CAST: variants seen among roughly 807,000 people sequenced by gnomAD.
CAST encodes the protein MIR583 host.
A neutral mutation model predicts 119.6 loss-of-function variants in CAST; 76 were observed. The ratio of observed to expected loss-of-function variants is 0.64; its 90% CI spans 0.53 to 0.77. The LOEUF (loss-of-function observed/expected upper bound fraction) is 0.77, where lower values mean the gene tolerates loss of function less well. Ranked by LOEUF, CAST falls within the 30% of genes least tolerant of loss-of-function variation. The pLI is 0.00. For synonymous variants in CAST, 319 were observed against 331.6 expected, an observed-to-expected ratio of 0.96 and a Z score of 0.41; for missense variants, 953 against 946.5, an observed-to-expected ratio of 1.01 and a Z score of -0.09.
chr5:96,006,222 CAATGAA>C, the CAST span, among the ~76,000 whole-genome samples: 10 of 152,120 alleles, frequency 6.6e-5, no homozygotes, highest in Non-Finnish European at 1.0e-4. Flanking sequence ...ATGGGGTGGT[CAATGAA>C]AATATCTGGC....
the CAST span, among the ~76,000 whole-genome samples, chr5:96,349,531 C>T: frequency 0.38 from 57,921 of 151,910 alleles, 11,378 homozygotes; most frequent in Admixed American, 0.45. Context: ...CTATTAAAAA[C>T]TCTTTGGCGT....
At chr5:96,036,415 A>T in the CAST span, among the ~76,000 whole-genome samples, 2 of 152,102 alleles carry the variant, frequency 1.3e-5, no homozygotes, top group African/African-American at 2.4e-5. Flanking sequence ...TCTATATTAT[A>T]CATATCCCTG....
chr5:96,213,478 A>G, the CAST span: 1 of 152,158 alleles, frequency 6.6e-6, no homozygotes, highest in Admixed American at 6.6e-5. Context: ...GATACTAAAG[A>G]GTATCTGATA....
At chr5:96,200,387 A>G in the CAST span, among the ~76,000 whole-genome samples, 9 of 152,270 alleles carry the variant, frequency 5.9e-5, no homozygotes, top group Non-Finnish European at 1.0e-4. Flanking sequence ...AAAAAGGGCT[A>G]GTCAGTTTTC....
chr5:96,331,113 TAGA>T, the CAST span, among the ~76,000 whole-genome samples: 1 of 152,342 alleles, frequency 6.6e-6, no homozygotes, highest in South Asian at 2.1e-4. Context: ...TGTTCAGTTT[TAGA>T]AGGTTTATGT....
chr5:96,756,840 C>T (rs759419993), intron 22 of CAST, among the ~76,000 whole-genome samples: 2 of 152,130 alleles, frequency 1.3e-5, no homozygotes, highest in African/African-American at 4.8e-5. Flanking sequence ...TTCATTTTGT[C>T]GTGTTACTCA....
At chr5:96,653,954 T>C (rs1041860898) in intron 1 of CAST, among the ~76,000 whole-genome samples, 19 of 151,968 alleles carry the variant, frequency 1.3e-4, no homozygotes, top group Non-Finnish European at 2.5e-4. Flanking sequence ...TTTTTTCCTT[T>C]TTCTTCTTCT....
chr5:96,767,702 G>A (rs1770496084), intron 28 of CAST, among the ~76,000 whole-genome samples: 1 of 152,044 alleles, frequency 6.6e-6, no homozygotes, highest in Admixed American at 6.6e-5. Flanking sequence ...GCTAAGCAAC[G>A]TGTATTAAAG....
the CAST span, among the ~76,000 whole-genome samples, chr5:96,296,344 C>G: frequency 2.0e-5 from 3 of 152,110 alleles, no homozygotes; most frequent in African/African-American, 4.8e-5. Flanking sequence ...TGTTAAGTCC[C>G]TTTAAAATGT....
chr5:96,417,729 A>G, the CAST span, among the ~76,000 whole-genome samples: 2 of 152,170 alleles, frequency 1.3e-5, no homozygotes, highest in Non-Finnish European at 2.9e-5. Flanking sequence ...TTGTTACTTA[A>G]TCTTTGAGTT....
chr5:95,964,756 G>C, the CAST span, among the ~76,000 whole-genome samples: 1 of 152,198 alleles, frequency 6.6e-6, no homozygotes, highest in African/African-American at 2.4e-5. Context: ...ACATAACCAG[G>C]AGAGGCAGGG....
the CAST span, among the ~76,000 whole-genome samples, chr5:96,445,278 T>C: frequency 6.6e-6 from 1 of 152,072 alleles, no homozygotes; most frequent in Non-Finnish European, 1.5e-5. Context: ...AGATTGCTTC[T>C]GAGGTACACA....
At chr5:96,365,653 C>CT in the CAST span, among the ~76,000 whole-genome samples, 4 of 152,034 alleles carry the variant, frequency 2.6e-5, no homozygotes, top group Middle Eastern at 3.2e-3. Flanking sequence ...CAACCCCTGC[C>CT]TTTTTTTGTT....
chr5:96,338,646 A>G, the CAST span, among the ~76,000 whole-genome samples: 1 of 152,196 alleles, frequency 6.6e-6, no homozygotes, highest in Admixed American at 6.5e-5. Context: ...CTTGCTGCTC[A>G]TTCCAAAGTA....
At chr5:96,474,112 GC>G in the CAST span, among the ~76,000 whole-genome samples, 1 of 152,112 alleles carries the variant, frequency 6.6e-6, no homozygotes, top group South Asian at 2.1e-4. Flanking sequence ...ATCAGTTAGG[GC>G]TTTAAGATGC....
chr5:96,453,553 T>A, the CAST span, among the ~76,000 whole-genome samples: 5,528 of 152,250 alleles, frequency 0.036, 317 homozygotes, highest in African/African-American at 0.12. Context: ...ACAGGAAGTG[T>A]GTCAGGCATT....
chr5:96,068,016 G>A, the CAST span, among the ~76,000 whole-genome samples: 1 of 152,180 alleles, frequency 6.6e-6, no homozygotes, highest in Admixed American at 6.5e-5. Context: ...GGCAGTCAGA[G>A]GTAAAGAGCA....
the CAST span, among the ~76,000 whole-genome samples, chr5:95,991,497 GTT>G: frequency 0.042 from 2,732 of 65,036 alleles, 21 homozygotes; most frequent in African/African-American, 0.11. Flanking sequence ...AACAAGTTTT[GTT>G]TTTTTTTTTT....
At chr5:95,979,890 G>A in the CAST span, among the ~76,000 whole-genome samples, 2 of 152,094 alleles carry the variant, frequency 1.3e-5, no homozygotes, top group Non-Finnish European at 2.9e-5. Context: ...TGCTGAGATG[G>A]GTGGATCACC....
Sources: gnomAD v4.1 joint callset for allele counts (sites outside exome capture counted in the v4.1 genomes callset) on GRCh38, gnomAD v4.1.1 for gene constraint, MANE v1.5 for transcripts, NCBI Gene and HGNC (gene_info 2026-07-23, HGNC 2026-07-21) for gene names.